The following STXBP4 variants were observed in gnomAD, a reference collection of about 807,000 sequenced individuals.
STXBP4 encodes syntaxin binding protein 4.
In STXBP4, 55 loss-of-function variants were observed where a neutral mutation model predicts 76.1. That is an observed-to-expected ratio of 0.72 (90% CI 0.58 to 0.91). The LOEUF (loss-of-function observed/expected upper bound fraction) is 0.91, where lower values mean the gene tolerates loss of function less well. STXBP4 is among the 40% of genes least tolerant of loss of function. The pLI is 0.00. For missense variants in STXBP4, 618 were observed against 636.9 expected (o/e 0.97, Z 0.32); for synonymous variants, 201 against 220.2 (o/e 0.91, Z 0.77).
At chr17:55,106,120 C>T (rs946878882) in intron 16 of STXBP4, among the ~76,000 whole-genome samples, 35 of 152,092 alleles carry the variant, frequency 2.3e-4, no homozygotes, top group African/African-American at 8.5e-4. Flanking sequence ...TAAGAACTTG[C>T]TTTATGAGTC....
At chr17:55,206,857 G>GAAAA in the STXBP4 span, among the ~76,000 whole-genome samples, 6 of 103,142 alleles carry the variant, frequency 5.8e-5, 2 homozygotes, top group East Asian at 5.4e-4. Context: ...CTCCGTCTCA[G>GAAAA]AAAAAAAAAA....
In STXBP4 at chr17:55,168,462, C is replaced by G. The variant is rs1180552205; in HGVS notation, c.*8551C>G. On this transcript the variant is annotated 3_prime_UTR_variant, in exon 18 of 18. Coordinates refer to ENST00000376352, the MANE Select transcript of STXBP4 (RefSeq NM_178509.6). Reference sequence around the variant, plus strand: ...TCTGTCTCTATAAGTACCATATTCCCAATTAGTATTTCATCAGTTATAAGA... The same window carrying G: ...TCTGTCTCTATAAGTACCATATTCCGAATTAGTATTTCATCAGTTATAAGA... 1 of 151,860 alleles carries G rather than the reference C, an allele frequency of 6.6e-6. No individual in the cohort carries two copies. Among genetic ancestry groups the G allele is most frequent in the Non-Finnish European group, 1.5e-5 (1 of 67,962 alleles). The allele number at this position is 151,860 out of a possible 1,614,324, so 9.4% of individuals were successfully genotyped here. A position where few individuals can be genotyped will look rare whatever the true frequency, so the allele number is the denominator to read the frequency against.
intron 16 of STXBP4, among the ~76,000 whole-genome samples, chr17:55,095,874 C>T (rs2079478382): frequency 6.6e-6 from 1 of 152,106 alleles, no homozygotes; most frequent in Non-Finnish European, 1.5e-5. Context: ...TCCAGGGTTC[C>T]TAATAAATCC....
At chr17:55,194,267 G>A in the STXBP4 span, among the ~76,000 whole-genome samples, 4 of 152,142 alleles carry the variant, frequency 2.6e-5, no homozygotes, top group East Asian at 7.7e-4. Context: ...AGACTGAGAA[G>A]TTGGGGCAAT....
At position 55,162,229 on chromosome 17, in the gene STXBP4, G is replaced by A. The variant is rs1008235156; in HGVS notation, c.*2318G>A. Reference sequence around the variant, plus strand: ...GGTGCCATAAGAGATGCTCAAAAAAGCATGGTCAGGGCTTAGCAAGAATCC... The same window carrying A: ...GGTGCCATAAGAGATGCTCAAAAAAACATGGTCAGGGCTTAGCAAGAATCC... On this transcript the variant is annotated 3_prime_UTR_variant, in exon 18 of 18. Transcript: ENST00000376352. 4 of 152,176 alleles carry A rather than the reference G, an allele frequency of 2.6e-5. No individual in the cohort carries two copies. Among genetic ancestry groups the A allele is most frequent in the Non-Finnish European group, 5.9e-5 (4 of 68,044 alleles). The allele number at this position is 152,176 out of a possible 1,614,324, so 9.4% of individuals were successfully genotyped here. A position where few individuals can be genotyped will look rare whatever the true frequency, so the allele number is the denominator to read the frequency against.
chr17:54,970,306 G>C (rs931019166), intron 1 of STXBP4, among the ~76,000 whole-genome samples: 1 of 150,070 alleles, frequency 6.7e-6, no homozygotes, highest in Non-Finnish European at 1.5e-5. Flanking sequence ...TTTTTGAAAA[G>C]ATATTGATTA....
chr17:55,078,736 G>A lies in STXBP4; in HGVS notation c.1355+1G>A, dbSNP rs199853002. The A allele has an allele frequency of 5.9e-6, 9 of 1,523,914 alleles. No individual in the cohort carries two copies. The highest frequency in any genetic ancestry group is 1.7e-5 in the Admixed American group (1 of 59,018). The allele number at this position is 1,523,914 out of a possible 1,614,324, so 94.4% of individuals were successfully genotyped here. A position where few individuals can be genotyped will look rare whatever the true frequency, so the allele number is the denominator to read the frequency against. On this transcript the variant is annotated splice_donor_variant, in intron 15 of 17. Coordinates refer to ENST00000376352, the MANE Select transcript of STXBP4 (RefSeq NM_178509.6). LOFTEE classifies it high-confidence loss of function. ...ATTCTACTCCTTTATCAAATTTAAG[G>A]TAAGAAAATTTAAGTGCTTTTTGCA... is the stretch of plus-strand genomic sequence containing the variant.
At chr17:55,031,038 C>G in intron 8 of STXBP4, 130 bp from the exon 9 acceptor site, 1 of 634,526 alleles carries the variant, frequency 1.6e-6, no homozygotes, top group Non-Finnish European at 2.7e-6. Context: ...AGCTGACTTC[C>G]CTTGGGTGTT....
intron 1 of STXBP4, among the ~76,000 whole-genome samples, chr17:54,982,185 T>G (rs894613242): frequency 6.6e-6 from 1 of 152,204 alleles, no homozygotes. Context: ...TTTATCCCTT[T>G]TATTTTCTCT....
chr17:55,079,953 T>A (rs2079235709), intron 15 of STXBP4, among the ~76,000 whole-genome samples: 1 of 152,158 alleles, frequency 6.6e-6, no homozygotes, highest in East Asian at 1.9e-4. Context: ...CTTACTCTCC[T>A]TGCTGCTTAT....
At chr17:55,064,759 C>G (rs2079030288) in intron 12 of STXBP4, among the ~76,000 whole-genome samples, 1 of 152,152 alleles carries the variant, frequency 6.6e-6, no homozygotes, top group African/African-American at 2.4e-5. Context: ...CCACCTCCGC[C>G]TCCCAAAGTG....
intron 14 of STXBP4, among the ~76,000 whole-genome samples, chr17:55,078,420 A>G (rs904473907): frequency 3.3e-5 from 5 of 152,200 alleles, no homozygotes; most frequent in African/African-American, 1.2e-4. Context: ...TTCCAAGTAT[A>G]TACTATTTTA....
intron 1 of STXBP4, among the ~76,000 whole-genome samples, chr17:54,982,043 A>C (rs1408206663): frequency 6.6e-6 from 1 of 152,220 alleles, no homozygotes; most frequent in Admixed American, 6.5e-5. Context: ...AGTAACAGGC[A>C]CTATAGTTGG....
At chr17:55,043,984 G>C in intron 11 of STXBP4, 1 of 219,338 alleles carries the variant, frequency 4.6e-6, no homozygotes, top group Non-Finnish European at 8.9e-6. Flanking sequence ...AAGTAACTGG[G>C]ACAACATGTC....
At chr17:54,973,274 T>G (rs1391025154) in intron 1 of STXBP4, among the ~76,000 whole-genome samples, 1 of 152,270 alleles carries the variant, frequency 6.6e-6, no homozygotes, top group African/African-American at 2.4e-5. Context: ...CTATTTTTAC[T>G]GCGTCTTGTA....
intron 13 of STXBP4, among the ~76,000 whole-genome samples, chr17:55,074,774 C>G (rs1423859463): frequency 6.6e-6 from 1 of 151,928 alleles, no homozygotes; most frequent in Non-Finnish European, 1.5e-5. Flanking sequence ...TAACAAGACT[C>G]TAAGCCAGTA....
chr17:55,142,706 T>A (rs2080108209), intron 17 of STXBP4, among the ~76,000 whole-genome samples: 1 of 152,082 alleles, frequency 6.6e-6, no homozygotes, highest in Non-Finnish European at 1.5e-5. Context: ...TTTGAAAAAA[T>A]TTAAGGAAAA....
chr17:55,131,004 T>C (rs1419755063), intron 16 of STXBP4, among the ~76,000 whole-genome samples: 3 of 152,232 alleles, frequency 2.0e-5, no homozygotes, highest in Non-Finnish European at 2.9e-5. Context: ...CTCTTCAACA[T>C]ACAGATTTCA....
the STXBP4 span, among the ~76,000 whole-genome samples, chr17:55,191,505 A>C: frequency 1.3e-5 from 2 of 152,194 alleles, no homozygotes; most frequent in African/African-American, 4.8e-5. Flanking sequence ...TGGTCCCTCA[A>C]CAACTTCAAC....
Sources: allele counts gnomAD v4.1 joint callset (sites outside exome capture counted in the v4.1 genomes callset), GRCh38; gene constraint gnomAD v4.1.1; transcripts MANE v1.5; gene names NCBI Gene and HGNC (gene_info 2026-07-23, HGNC 2026-07-21).